The following MAPKAP1 variants were observed in gnomAD, a reference collection of about 807,000 sequenced individuals.
MAPKAP1 encodes target of rapamycin complex 2 subunit MAPKAP1.
Under a neutral mutation model 65.7 loss-of-function variants are expected in MAPKAP1, and 20 were observed. That is an observed-to-expected ratio of 0.30 (90% CI 0.21 to 0.44). The LOEUF is 0.44. Ranked by LOEUF, MAPKAP1 falls within the 20% of genes least tolerant of loss-of-function variation. The probability of loss-of-function intolerance (pLI) is 1.00; values close to 1 mark genes in which losing one functional copy is unlikely to be tolerated. For missense variants in MAPKAP1, 423 were observed against 648.0 expected (o/e 0.65, Z 3.77); for synonymous variants, 222 against 244.3 (o/e 0.91, Z 0.85).
chr9:125,693,862 CACACACACACAT>C (rs1435086136), intron 1 of MAPKAP1, among the ~76,000 whole-genome samples: 2 of 151,082 alleles, frequency 1.3e-5, no homozygotes, highest in Non-Finnish European at 3.0e-5. Flanking sequence ...CACACACACA[CACACACACACAT>C]ATATATATAG....
At chr9:125,607,702 C>T (rs1249400756) in intron 4 of MAPKAP1, among the ~76,000 whole-genome samples, 2 of 152,174 alleles carry the variant, frequency 1.3e-5, no homozygotes, top group Admixed American at 6.5e-5. Context: ...TGTCACCAGG[C>T]TGGAGTGCAG....
intron 7 of MAPKAP1, among the ~76,000 whole-genome samples, chr9:125,522,755 G>GTTTAGATGCAAA (rs1019546478): frequency 6.6e-6 from 1 of 152,140 alleles, no homozygotes; most frequent in African/African-American, 2.4e-5. Flanking sequence ...CAGGCTACTA[G>GTTTAGATGCAAA]TTTAGATGCA....
At chr9:125,562,313 G>C (rs568790320) in intron 5 of MAPKAP1, among the ~76,000 whole-genome samples, 2 of 152,326 alleles carry the variant, frequency 1.3e-5, no homozygotes, top group Admixed American at 1.3e-4. Flanking sequence ...AATATGAAGT[G>C]TGAAATCATT....
chr9:125,629,873 T>C (rs951675867), intron 4 of MAPKAP1, among the ~76,000 whole-genome samples: 3 of 152,230 alleles, frequency 2.0e-5, no homozygotes, highest in Admixed American at 1.3e-4. Context: ...TAACACAAAA[T>C]GTCACTTTTA....
intron 1 of MAPKAP1, among the ~76,000 whole-genome samples, chr9:125,689,438 A>G (rs1373181638): frequency 1.5e-5 from 2 of 129,776 alleles, no homozygotes; most frequent in East Asian, 2.2e-4. Flanking sequence ...CCATCTCGGA[A>G]AAAAAAAAAA....
In MAPKAP1 at chr9:125,595,792, C is replaced by T. The variant is rs370736467; in HGVS notation, c.499-10065G>A. Reference sequence around the variant, plus strand: ...GTGAGCAATGGGGAACGCTCCCAGACTGTGTGGTAATGAAAGATTCCAACA... The same window carrying T: ...GTGAGCAATGGGGAACGCTCCCAGATTGTGTGGTAATGAAAGATTCCAACA... On this transcript the variant is annotated intron_variant, in intron 4 of 11. Transcript: ENST00000265960. This position sits in a 1 kb window ranked among gnomAD's most constrained non-coding sequence, Gnocchi z 4.0. The T allele has an allele frequency of 8.5e-7, 1 of 1,179,750 alleles. No individual in the cohort carries two copies. The highest frequency in any genetic ancestry group is 1.2e-6 in the Non-Finnish European group (1 of 801,188). 73.1% of individuals were successfully genotyped at this position (1,179,750 alleles called of 1,614,324 possible).
chr9:125,688,088 CTG>C (rs1835038792), intron 1 of MAPKAP1, among the ~76,000 whole-genome samples: 1 of 152,172 alleles, frequency 6.6e-6, no homozygotes, highest in Non-Finnish European at 1.5e-5. Context: ...ATTAACAAAA[CTG>C]TGTTAACTTT....
intron 7 of MAPKAP1, among the ~76,000 whole-genome samples, chr9:125,515,192 A>G (rs1829425523): frequency 6.6e-6 from 1 of 152,174 alleles, no homozygotes; most frequent in Non-Finnish European, 1.5e-5. Context: ...GCTGAATATA[A>G]TCAAATTAAA....
intron 8 of MAPKAP1, among the ~76,000 whole-genome samples, chr9:125,502,368 T>C (rs1829009753): frequency 1.3e-5 from 2 of 152,216 alleles, no homozygotes; most frequent in African/African-American, 2.4e-5. Context: ...CCCAAAGTGC[T>C]GGGATTACAG....
chr9:125,475,299 C>T (rs1054020992), intron 9 of MAPKAP1, among the ~76,000 whole-genome samples: 2 of 152,180 alleles, frequency 1.3e-5, no homozygotes, highest in Non-Finnish European at 2.9e-5. Flanking sequence ...AATAAAAAAG[C>T]GCTGTCTCCA....
At chr9:125,586,111 A>C (rs984308257) in intron 4 of MAPKAP1, among the ~76,000 whole-genome samples, 2 of 152,102 alleles carry the variant, frequency 1.3e-5, no homozygotes, top group Non-Finnish European at 2.9e-5. Flanking sequence ...CAATGAGATG[A>C]GCTGCCTGGG....
chr9:125,512,001 T>A (rs894505220), intron 7 of MAPKAP1, among the ~76,000 whole-genome samples: 5 of 152,202 alleles, frequency 3.3e-5, no homozygotes, highest in Non-Finnish European at 7.4e-5. Flanking sequence ...CAAGTTATAA[T>A]ACCCAGGCAG....
chr9:125,496,837 G>A (rs1438907385), intron 8 of MAPKAP1, among the ~76,000 whole-genome samples: 1 of 152,096 alleles, frequency 6.6e-6, no homozygotes, highest in Non-Finnish European at 1.5e-5. Flanking sequence ...TCTTGTACTT[G>A]GTCCAGTGAG....
intron 9 of MAPKAP1, among the ~76,000 whole-genome samples, chr9:125,477,784 C>T (rs1297122191): frequency 1.3e-5 from 2 of 152,198 alleles, no homozygotes; most frequent in Non-Finnish European, 2.9e-5. Flanking sequence ...TTCCCCCTAC[C>T]AGCCCGTTTG....
At chr9:125,664,492 A>T (rs1834281100) in intron 3 of MAPKAP1, among the ~76,000 whole-genome samples, 1 of 151,954 alleles carries the variant, frequency 6.6e-6, no homozygotes, top group Non-Finnish European at 1.5e-5. Context: ...TAGGAGGCCG[A>T]GGCGAGAAGA....
intron 4 of MAPKAP1, among the ~76,000 whole-genome samples, chr9:125,592,986 A>G (rs374306866): frequency 5.3e-5 from 8 of 151,454 alleles, no homozygotes; most frequent in Admixed American, 2.0e-4. Context: ...TCAAAAAAAA[A>G]AAAAGAAAAA....
At chr9:125,442,479 T>C (rs962456685) in intron 11 of MAPKAP1, among the ~76,000 whole-genome samples, 4 of 150,860 alleles carry the variant, frequency 2.7e-5, no homozygotes, top group Admixed American at 1.3e-4. Context: ...ATGTCAAACA[T>C]GGGATTATAA....
In MAPKAP1 at chr9:125,690,311, A is replaced by ATGTTTTTGTT. The variant is rs1297356781; in HGVS notation, c.-70+16659_-70+16660insAACAAAAACA. Among the ~76,000 whole-genome samples the ATGTTTTTGTT allele has an allele frequency of 9.8e-5, 15 of 152,374 alleles. No individual in the cohort carries two copies. In the East Asian group the frequency reaches 2.9e-3, roughly 29 times the overall value. ...CAGAAGTTTCAGAAATGCTTAAAACAAAAACATCAGGCCATGTGTGAGTTA... is the reference window on the plus strand; with the variant it reads ...CAGAAGTTTCAGAAATGCTTAAAACATGTTTTTGTTAAAACATCAGGCCATGTGTGAGTTA... On this transcript the variant is annotated intron_variant, in intron 1 of 11. Coordinates refer to ENST00000265960, the MANE Select transcript of MAPKAP1 (RefSeq NM_001006617.3).
At chr9:125,618,042 T>C (rs972136272) in intron 4 of MAPKAP1, among the ~76,000 whole-genome samples, 2 of 152,102 alleles carry the variant, frequency 1.3e-5, no homozygotes, top group African/African-American at 4.8e-5. Context: ...GCTTCATAAC[T>C]TTTCCAGCAT....
Sources: allele counts gnomAD v4.1 joint callset (sites outside exome capture counted in the v4.1 genomes callset), GRCh38; gene constraint gnomAD v4.1.1; non-coding constraint Gnocchi (gnomAD v3.1); transcripts MANE v1.5; gene names NCBI Gene and HGNC (gene_info 2026-07-23, HGNC 2026-07-21).